Variants in GRIP1 observed in about 807,000 individuals in gnomAD.
GRIP1 encodes glutamate receptor-interacting protein 1.
Under a neutral mutation model 129.9 loss-of-function variants are expected in GRIP1, and 45 were observed. The observed-to-expected ratio is 0.35, with a 90% confidence interval of 0.27 to 0.44. The LOEUF (loss-of-function observed/expected upper bound fraction) is 0.44, where lower values mean the gene tolerates loss of function less well. Ranked by LOEUF, GRIP1 falls within the 20% of genes least tolerant of loss-of-function variation. GRIP1 has a pLI of 1.00. For synonymous variants in GRIP1, 530 were observed against 520.8 expected (o/e 1.02, Z -0.24); for missense variants, 1,196 against 1,396.8 (o/e 0.86, Z 2.29).
chr12:66,568,422 C>T (rs1030295279), intron 2 of GRIP1: 5 of 170,780 alleles, frequency 2.9e-5, no homozygotes, highest in African/African-American at 1.2e-4. Flanking sequence ...CCATACTAAG[C>T]CTAACCTGTG....
intron 1 of GRIP1, among the ~76,000 whole-genome samples, chr12:66,655,694 C>T (rs2033111836): frequency 1.3e-5 from 2 of 150,322 alleles, no homozygotes; most frequent in South Asian, 4.2e-4. Flanking sequence ...ACTGCAAGCT[C>T]CGCCTCCCGG....
chr12:66,787,515 G>A (rs188536117), intron 1 of GRIP1, among the ~76,000 whole-genome samples: 14 of 152,196 alleles, frequency 9.2e-5, no homozygotes, highest in Admixed American at 7.9e-4. Context: ...AAACCCTAAG[G>A]TGATGATGGT....
chr12:66,533,887 A>ACTCTCT (rs71436010), intron 4 of GRIP1, among the ~76,000 whole-genome samples: 80 of 148,048 alleles, frequency 5.4e-4, no homozygotes, highest in Middle Eastern at 3.4e-3. Context: ...ACATACACAC[A>ACTCTCT]CTCTCTCTCT....
chr12:66,983,448 A>T (rs1225596028), intron 1 of GRIP1, among the ~76,000 whole-genome samples: 1 of 152,190 alleles, frequency 6.6e-6, no homozygotes, highest in Non-Finnish European at 1.5e-5. Context: ...AATCTTACTG[A>T]CAATGAATGG....
At chr12:66,639,789 A>C (rs1230658241) in intron 1 of GRIP1, among the ~76,000 whole-genome samples, 1 of 152,214 alleles carries the variant, frequency 6.6e-6, no homozygotes, top group Non-Finnish European at 1.5e-5. Context: ...AAAAATTACC[A>C]CACATGAAAA....
chr12:66,530,766 T>G (rs950184457), intron 4 of GRIP1, among the ~76,000 whole-genome samples: 1 of 152,124 alleles, frequency 6.6e-6, no homozygotes, highest in Non-Finnish European at 1.5e-5. Context: ...AAACTGGTAT[T>G]TTATCATTAT....
At chr12:66,701,152 C>T (rs1206156829) in intron 1 of GRIP1, among the ~76,000 whole-genome samples, 1 of 152,154 alleles carries the variant, frequency 6.6e-6, no homozygotes, top group Non-Finnish European at 1.5e-5. Context: ...TTTCTACACA[C>T]ATCCATTATG....
At chr12:66,582,206 C>T (rs959977085) in intron 2 of GRIP1, among the ~76,000 whole-genome samples, 38 of 150,550 alleles carry the variant, frequency 2.5e-4, no homozygotes, top group South Asian at 1.9e-3. Flanking sequence ...AATTCAACAA[C>T]CCTTCATGCT....
intron 1 of GRIP1, among the ~76,000 whole-genome samples, chr12:66,938,750 A>G (rs573582814): frequency 6.6e-5 from 10 of 152,192 alleles, no homozygotes; most frequent in East Asian, 2.0e-4. Context: ...CCAGGTCAGG[A>G]GATCAAGACC....
chr12:66,971,187 T>C (rs1014033892), intron 1 of GRIP1, among the ~76,000 whole-genome samples: 1 of 152,132 alleles, frequency 6.6e-6, no homozygotes, highest in Admixed American at 6.6e-5. Context: ...AAGCAAATCT[T>C]AGCTGTGACT....
chr12:67,053,487 C>A (rs1220211176), intron 1 of GRIP1, among the ~76,000 whole-genome samples: 4 of 152,110 alleles, frequency 2.6e-5, no homozygotes, highest in African/African-American at 2.4e-5. Flanking sequence ...GAATAAATAT[C>A]GAGACAAAGA....
At chr12:66,802,917 G>A (rs1016357093) in intron 1 of GRIP1, among the ~76,000 whole-genome samples, 10 of 152,098 alleles carry the variant, frequency 6.6e-5, no homozygotes, top group African/African-American at 2.2e-4. Flanking sequence ...CTAAAACCCC[G>A]AGGTTACTCA....
intron 11 of GRIP1, among the ~76,000 whole-genome samples, chr12:66,450,303 CAAAAAAAAAAAAAAAAA>C (rs143013040): frequency 3.7e-5 from 1 of 26,802 alleles, no homozygotes; most frequent in Non-Finnish European, 6.2e-5. Context: ...GACTCCATCT[CAAAAAAAAAAAAAAAAA>C]AAAAAAAAAA....
intron 19 of GRIP1, among the ~76,000 whole-genome samples, chr12:66,391,979 T>C (rs889941619): frequency 1.3e-5 from 2 of 151,920 alleles, no homozygotes; most frequent in South Asian, 4.1e-4. Context: ...AATAAGGCAA[T>C]GGGGCCTGTA....
intron 1 of GRIP1, among the ~76,000 whole-genome samples, chr12:67,066,529 T>C (rs1253593136): frequency 6.6e-6 from 1 of 152,208 alleles, no homozygotes; most frequent in Non-Finnish European, 1.5e-5. Context: ...CGCAGTGGTT[T>C]AGATGAGCAC....
intron 1 of GRIP1, among the ~76,000 whole-genome samples, chr12:66,628,827 T>C (rs1480015566): frequency 6.6e-6 from 1 of 152,152 alleles, no homozygotes; most frequent in Admixed American, 6.5e-5. Flanking sequence ...CGGCCCAAAA[T>C]GTCAATAGGG....
At chr12:66,800,425 AAG>A (rs141303761) in intron 1 of GRIP1, among the ~76,000 whole-genome samples, 9,479 of 152,194 alleles carry the variant, frequency 0.062, 1,002 homozygotes, top group African/African-American at 0.22. Flanking sequence ...CTCTATTCAT[AAG>A]AGAGAAACAA....
In GRIP1 at chr12:66,371,857, C is replaced by T. The variant is rs755528209; in HGVS notation, c.2849G>A (p.Arg950Gln). ...GCTGCGCTCCTGGAAGCTGGCCTGT[C>T]GCCCCAGCTGACTGCGAGGTGTTGG... ...EAPTPRSQLG[R>Q]QASFQERSSS... Residue 950 changes from arginine to glutamine, a missense_variant, in exon 23 of 25, where the codon CGA becomes CAA. Physicochemically the swap from Arg to Gln is conservative, Grantham distance 43. Transcript: ENST00000359742. The T allele has an allele frequency of 8.7e-6, 14 of 1,613,674 alleles. No individual in the cohort carries two copies. Among genetic ancestry groups the T allele is most frequent in the Non-Finnish European group, 1.1e-5 (13 of 1,180,012 alleles).
intron 1 of GRIP1, among the ~76,000 whole-genome samples, chr12:66,811,413 C>A (rs2039100843): frequency 6.6e-6 from 1 of 152,144 alleles, no homozygotes; most frequent in African/African-American, 2.4e-5. Context: ...CTTCTAGCTA[C>A]AAGATGTTAT....
Sources: allele counts gnomAD v4.1 joint callset (sites outside exome capture counted in the v4.1 genomes callset), GRCh38; gene constraint gnomAD v4.1.1; transcripts MANE v1.5; gene names NCBI Gene and HGNC (gene_info 2026-07-23, HGNC 2026-07-21).